NEO1: variants seen among roughly 807,000 people sequenced by gnomAD.
NEO1 encodes neogenin 1.
In NEO1, 63 loss-of-function variants were observed where a neutral mutation model predicts 159.7. That is an observed-to-expected ratio of 0.39 (90% CI 0.32 to 0.49). The LOEUF is 0.49. Ranked by LOEUF, NEO1 falls within the 20% of genes least tolerant of loss-of-function variation. The pLI is 0.85. For synonymous variants in NEO1, 633 were observed against 662.0 expected, an observed-to-expected ratio of 0.96 and a Z score of 0.67; for missense variants, 1,615 against 1,831.0, an observed-to-expected ratio of 0.88 and a Z score of 2.15.
At chr15:73,130,777 C>T (rs1409366381) in intron 4 of NEO1, among the ~76,000 whole-genome samples, 1 of 152,244 alleles carries the variant, frequency 6.6e-6, no homozygotes, top group Non-Finnish European at 1.5e-5. Context: ...TCCCTTCACA[C>T]TGGGGTGGTA....
intron 14 of NEO1, 112 bp downstream of exon 14, chr15:73,258,988 T>C (rs189521757): frequency 1.6e-5 from 13 of 822,922 alleles, no homozygotes; most frequent in East Asian, 1.3e-4. Flanking sequence ...CTGTGAACTT[T>C]AGTGCATCAC....
chr15:73,264,811 T>C (rs12901272), intron 15 of NEO1, among the ~76,000 whole-genome samples: 44,056 of 152,146 alleles, frequency 0.29, 7,459 homozygotes, highest in East Asian at 0.57. Context: ...TCAAACCTGT[T>C]GATCAATCAG....
At chr15:73,247,222 T>C (rs1401331436) in intron 9 of NEO1, among the ~76,000 whole-genome samples, 2 of 152,190 alleles carry the variant, frequency 1.3e-5, no homozygotes, top group Non-Finnish European at 2.9e-5. Flanking sequence ...GTTCAGCTTG[T>C]GTGGGGGAGG....
chr15:73,144,311 A>T (rs568279627), intron 5 of NEO1, among the ~76,000 whole-genome samples: 1 of 152,244 alleles, frequency 6.6e-6, no homozygotes, highest in South Asian at 2.1e-4. Flanking sequence ...CCATAAGCCA[A>T]CATAATATTA....
Position 73,254,551 on chromosome 15 carries a change from T to G in NEO1, c.1945-131T>G. On this transcript the variant is annotated intron_variant, in intron 12 of 28. Coordinates refer to ENST00000261908, the MANE Select transcript of NEO1 (RefSeq NM_002499.4). ...TTTTTGAGTGATTATTAAATAACTTTGTAAAACTCTGAGTACCTTGCTGCC... is the reference window on the plus strand; with the variant it reads ...TTTTTGAGTGATTATTAAATAACTTGGTAAAACTCTGAGTACCTTGCTGCC... 3.5e-6 allele frequency: 3 copies of G among 862,698 alleles called. No homozygotes were observed. In the South Asian group the frequency reaches 6.4e-5, roughly 18 times the overall value. 53.4% of individuals were successfully genotyped at this position (862,698 alleles called of 1,614,324 possible). A position where few individuals can be genotyped will look rare whatever the true frequency, so the allele number is the denominator to read the frequency against.
chr15:73,183,576 G>C (rs1469776528), intron 7 of NEO1, among the ~76,000 whole-genome samples: 1 of 152,184 alleles, frequency 6.6e-6, no homozygotes, highest in Non-Finnish European at 1.5e-5. Flanking sequence ...ATACAAGGCA[G>C]ATTTTGACTG....
intron 5 of NEO1, among the ~76,000 whole-genome samples, chr15:73,156,135 T>C (rs1043402129): frequency 1.8e-4 from 27 of 152,234 alleles, no homozygotes; most frequent in African/African-American, 6.3e-4. Context: ...ATTGAAGATA[T>C]GTCTATAATG....
At chr15:73,124,251 A>G (rs551372781) in intron 3 of NEO1, among the ~76,000 whole-genome samples, 2 of 121,048 alleles carry the variant, frequency 1.7e-5, no homozygotes, top group East Asian at 2.2e-4. Context: ...TTTTTTAGAG[A>G]TGGATTTTGC....
At chr15:73,261,786 C>G (rs1234529588) in intron 15 of NEO1, among the ~76,000 whole-genome samples, 2 of 152,098 alleles carry the variant, frequency 1.3e-5, no homozygotes, top group Non-Finnish European at 2.9e-5. Context: ...AATTGATAAG[C>G]TGATTCTAAT....
At chr15:73,261,012 C>T (rs891620875) in intron 15 of NEO1, among the ~76,000 whole-genome samples, 3 of 152,140 alleles carry the variant, frequency 2.0e-5, no homozygotes, top group Admixed American at 2.0e-4. Context: ...ATTTCCTCTA[C>T]ACGTGTTAAC....
intron 7 of NEO1, among the ~76,000 whole-genome samples, chr15:73,194,634 ACACTCTC>A (rs1226898699): frequency 6.6e-6 from 1 of 152,170 alleles, no homozygotes; most frequent in Admixed American, 6.5e-5. Flanking sequence ...CATGACACAA[ACACTCTC>A]CACTAGGCTG....
intron 1 of NEO1, among the ~76,000 whole-genome samples, chr15:73,053,192 T>C (rs2067543609): frequency 6.6e-6 from 1 of 151,936 alleles, no homozygotes; most frequent in South Asian, 2.1e-4. Flanking sequence ...AGACGGCCAA[T>C]TCATTAATTT....
chr15:73,100,844 GC>G (rs1218710843), intron 1 of NEO1, among the ~76,000 whole-genome samples: 2 of 151,970 alleles, frequency 1.3e-5, no homozygotes, highest in Non-Finnish European at 2.9e-5. Flanking sequence ...TTCCATTCTT[GC>G]CACAGCTATT....
chr15:73,205,449 C>T (rs1172617644), intron 7 of NEO1, among the ~76,000 whole-genome samples: 2 of 152,184 alleles, frequency 1.3e-5, no homozygotes, highest in Admixed American at 6.5e-5. Flanking sequence ...ATGATGGTTA[C>T]TCTTCCTCTC....
intron 5 of NEO1, among the ~76,000 whole-genome samples, chr15:73,160,399 C>T (rs1037154433): frequency 1.3e-5 from 2 of 152,060 alleles, no homozygotes; most frequent in Admixed American, 1.3e-4. Context: ...TACTAAATAC[C>T]GAGTTTATTT....
intron 9 of NEO1, among the ~76,000 whole-genome samples, chr15:73,247,454 T>C (rs1248521316): frequency 6.6e-6 from 1 of 152,188 alleles, no homozygotes. Flanking sequence ...TTTAATAAGT[T>C]AGAGGAAAGT....
chr15:73,242,022 T>C lies in NEO1; in HGVS notation c.1452-2322T>C, dbSNP rs150600876. Among the ~76,000 whole-genome samples the C allele has an allele frequency of 3.9e-4, 59 of 152,316 alleles. No individual in the cohort carries two copies. In the East Asian group the frequency reaches 0.011, roughly 29 times the overall value. ...ATGTATGTTTGGGATGCAGCTTCCC[T>C]GTATGAGCATTCTGCTACGTGCTTC... is the stretch of plus-strand genomic sequence containing the variant. On this transcript the variant is annotated intron_variant, in intron 8 of 28. Transcript: ENST00000261908.
At position 73,301,364 on chromosome 15, in the gene NEO1, G is replaced by A; in HGVS notation, c.4209G>A (p.Gly1403=). 6.2e-7 allele frequency: 1 copy of A among 1,614,170 alleles called. No individual in the cohort carries two copies. Residue 1403 remains glycine, a synonymous_variant, in exon 28 of 29, where the codon GGG becomes GGA. Transcript: ENST00000261908. The stretch of plus-strand genomic sequence containing the variant: ...ACTCAGTGAAGACAGCCTCCATCGG[G>A]ACTCTAGGAAGGAGCCGGCCTCCTA... ...HIHSVKTASI[G]TLGRSRPPMP... is the part of the protein sequence containing the mutation.
At chr15:73,076,790 T>A (rs1185749603) in intron 1 of NEO1, among the ~76,000 whole-genome samples, 1 of 152,222 alleles carries the variant, frequency 6.6e-6, no homozygotes, top group Non-Finnish European at 1.5e-5. Flanking sequence ...TACCTTCTTT[T>A]CTTATCTCTA....
Sources: gnomAD v4.1 joint callset for allele counts (sites outside exome capture counted in the v4.1 genomes callset) on GRCh38, gnomAD v4.1.1 for gene constraint, MANE v1.5 for transcripts, NCBI Gene and HGNC (gene_info 2026-07-23, HGNC 2026-07-21) for gene names.